Variants in PARN observed in about 807,000 individuals in gnomAD.
PARN encodes the protein poly(A)-specific ribonuclease.
Under a neutral mutation model 102.8 loss-of-function variants are expected in PARN, and 71 were observed. The observed-to-expected ratio is 0.69, with a 90% CI of 0.57 to 0.84. PARN has a LOEUF of 0.84. Ranked by LOEUF, PARN falls within the 40% of genes least tolerant of loss-of-function variation. The pLI, the probability that PARN is intolerant of heterozygous loss-of-function variation, is 0.00. For missense variants in PARN, 782 were observed against 760.9 expected (o/e 1.03, Z -0.33); for synonymous variants, 261 against 252.9 (o/e 1.03, Z -0.30).
At chr16:14,580,762 C>A in intron 18 of PARN, 112 bp downstream of exon 18, 3 of 591,808 alleles carry the variant, frequency 5.1e-6, no homozygotes, top group South Asian at 2.8e-5. Context: ...AGATGAAAAA[C>A]AGCTTATCTA....
At chr16:14,585,867 C>T (rs1485767104) in intron 14 of PARN, among the ~76,000 whole-genome samples, 1 of 151,964 alleles carries the variant, frequency 6.6e-6, no homozygotes, top group Non-Finnish European at 1.5e-5. Flanking sequence ...ATTATAAAAG[C>T]AAGCCATCAC....
At chr16:14,459,997 C>T (rs1389319678) in intron 22 of PARN, among the ~76,000 whole-genome samples, 2 of 152,100 alleles carry the variant, frequency 1.3e-5, no homozygotes, top group Non-Finnish European at 2.9e-5. Context: ...TGAAATAGAT[C>T]ATATATCTAA....
At chr16:14,488,286 T>C (rs531434458) in intron 21 of PARN, among the ~76,000 whole-genome samples, 2 of 152,260 alleles carry the variant, frequency 1.3e-5, no homozygotes, top group East Asian at 3.9e-4. Context: ...CTCTGAGAAT[T>C]TGAAAAGGAA....
rs993681231 is a variant in PARN, at chr16:14,628,230, A to G, written c.119T>C (p.Val40Ala). The G allele has an allele frequency of 6.2e-7, 1 of 1,604,220 alleles. No homozygotes were observed. Among genetic ancestry groups the G allele is most frequent in the African/African-American group, 1.3e-5 (1 of 74,712 alleles). ...EFSGISDGPS[V>A]SALTNGFDTP... The stretch of plus-strand genomic sequence containing the variant: ...GTCAAAACCATTTGTTAATGCAGAG[A>G]CTGAAGGTCCATCACTGATTCCTAG... Residue 40 changes from valine (V) to alanine (A), a missense_variant, in exon 3 of 24, where the codon GTC (valine) becomes GCC (alanine). Physicochemically the swap from Val to Ala is moderately conservative, Grantham distance 64. Transcript: ENST00000437198.
In PARN at chr16:14,582,216, G is replaced by T. The variant is rs746545232; in HGVS notation, c.1157C>A (p.Thr386Lys). Residue 386 changes from threonine (T) to lysine (K), a missense_variant, in exon 17 of 24, where the codon ACA (threonine) becomes AAA (lysine). By Grantham distance (78) the Thr-to-Lys change is moderately conservative (BLOSUM62 -1). Coordinates refer to ENST00000437198, the MANE Select transcript of PARN (RefSeq NM_002582.4). Reference protein sequence around the residue: ...LHEAGYDAYITGLCFISMANY... With the variant: ...LHEAGYDAYIKGLCFISMANY... ...GGCCATGGAGATGAAGCACAGCCCT[G>T]TGATGTAGGCATCGTAGCCTGCCTC... The T allele has an allele frequency of 6.2e-7, 1 of 1,612,944 alleles. No homozygotes were observed. Among genetic ancestry groups the T allele is most frequent in the Non-Finnish European group, 8.5e-7 (1 of 1,178,882 alleles).
chr16:14,536,572 T>C (rs1966615649), intron 21 of PARN, among the ~76,000 whole-genome samples: 1 of 152,192 alleles, frequency 6.6e-6, no homozygotes, highest in Non-Finnish European at 1.5e-5. Flanking sequence ...GCGATCTTGA[T>C]CCTGCAGATG....
chr16:14,541,959 C>A (rs185196320), intron 21 of PARN, among the ~76,000 whole-genome samples: 1 of 152,248 alleles, frequency 6.6e-6, no homozygotes, highest in Non-Finnish European at 1.5e-5. Context: ...ACCATCCCAA[C>A]AACAGGTATC....
chr16:14,578,717 A>C (rs765294165), intron 18 of PARN: 2 of 152,186 alleles, frequency 1.3e-5, no homozygotes, highest in African/African-American at 4.8e-5. Context: ...TTGCAGGAAT[A>C]TTTTTCCTTT....
intron 23 of PARN, among the ~76,000 whole-genome samples, chr16:14,445,391 T>C (rs1033343736): frequency 6.6e-6 from 1 of 152,206 alleles, no homozygotes; most frequent in African/African-American, 2.4e-5. Flanking sequence ...AGTGCATTCA[T>C]AGCTTGGGTA....
At chr16:14,533,722 C>T (rs1020183249) in intron 21 of PARN, among the ~76,000 whole-genome samples, 2 of 152,110 alleles carry the variant, frequency 1.3e-5, no homozygotes, top group African/African-American at 4.8e-5. Context: ...GGAAGCCTTC[C>T]CTGGTGACCC....
intron 2 of PARN, among the ~76,000 whole-genome samples, 170 bp from the exon 3 acceptor site, chr16:14,628,421 A>C (rs1286515874): frequency 6.6e-6 from 1 of 152,188 alleles, no homozygotes; most frequent in Non-Finnish European, 1.5e-5. Flanking sequence ...CACCAGGTTA[A>C]ACCCTCTAAT....
chr16:14,487,743 G>A (rs981504074), intron 21 of PARN, among the ~76,000 whole-genome samples: 2 of 152,160 alleles, frequency 1.3e-5, no homozygotes, highest in African/African-American at 2.4e-5. Context: ...GGGCTGGAAC[G>A]GGAGAGGAAG....
chr16:14,443,010 T>C (rs1370927063), intron 23 of PARN, among the ~76,000 whole-genome samples: 3 of 152,244 alleles, frequency 2.0e-5, no homozygotes, highest in African/African-American at 7.2e-5. Context: ...TCTGGATGAG[T>C]TTCCCCAGCC....
chr16:14,521,520 C>A (rs150528971), intron 21 of PARN, among the ~76,000 whole-genome samples: 1 of 152,172 alleles, frequency 6.6e-6, no homozygotes, highest in African/African-American at 2.4e-5. Flanking sequence ...TGTAACGGGC[C>A]GGGCACGGTG....
chr16:14,523,731 G>C (rs912273497), intron 21 of PARN, among the ~76,000 whole-genome samples: 4 of 152,112 alleles, frequency 2.6e-5, no homozygotes, highest in Non-Finnish European at 1.5e-5. Context: ...GCCTCTTTGA[G>C]CCTCCCAGAA....
At chr16:14,526,512 C>T (rs959639385) in intron 21 of PARN, among the ~76,000 whole-genome samples, 1 of 152,094 alleles carries the variant, frequency 6.6e-6, no homozygotes, top group Non-Finnish European at 1.5e-5. Flanking sequence ...CATCTCAGGC[C>T]GCTTCCTTCT....
rs1967516630 is a variant in PARN, at chr16:14,554,267, G to C, written c.1319-116C>G. 3 of 670,386 alleles carry C rather than the reference G, an allele frequency of 4.5e-6. No individual in the cohort carries two copies. The South Asian group carries it at 5.8e-5, about 13-fold the overall frequency. The allele number at this position is 670,386 out of a possible 1,614,324, so 41.5% of individuals were successfully genotyped here. A position where few individuals can be genotyped will look rare whatever the true frequency, so the allele number is the denominator to read the frequency against. On this transcript the variant is annotated intron_variant, in intron 19 of 23. Transcript: ENST00000437198. ...TGGAGAACTGTTATGAATTCCTCAT[G>C]ATTACCAAACAACTCCTAAAAGTAT...
At chr16:14,609,779 T>G (rs1971409543) in intron 7 of PARN, among the ~76,000 whole-genome samples, 1 of 152,202 alleles carries the variant, frequency 6.6e-6, no homozygotes, top group Admixed American at 6.5e-5. Context: ...TGTCGGCACC[T>G]TTACTGCAAG....
At chr16:14,563,474 CTTTG>C (rs1162908784) in intron 18 of PARN, among the ~76,000 whole-genome samples, 1 of 111,060 alleles carries the variant, frequency 9.0e-6, no homozygotes, top group South Asian at 3.6e-4. Context: ...TTGAAAATTC[CTTTG>C]TGTGTGTGTG....
Sources: allele counts gnomAD v4.1 joint callset (sites outside exome capture counted in the v4.1 genomes callset), GRCh38; gene constraint gnomAD v4.1.1; transcripts MANE v1.5; gene names NCBI Gene and HGNC (gene_info 2026-07-23, HGNC 2026-07-21).